TMEM132D: variants seen among roughly 807,000 people sequenced by gnomAD.
TMEM132D encodes transmembrane protein 132D, also known as mature OL transmembrane protein.
A neutral mutation model predicts 62.3 loss-of-function variants in TMEM132D; 21 were observed. That is an observed-to-expected ratio of 0.34 (90% CI 0.24 to 0.49). The LOEUF is 0.49. Among genes scored for constraint, TMEM132D ranks in the 20% least tolerant of loss-of-function variants. TMEM132D has a pLI of 0.99. For missense variants in TMEM132D, 1,346 were observed against 1,402.8 expected, an observed-to-expected ratio of 0.96 and a Z score of 0.65; for synonymous variants, 621 against 575.6, an observed-to-expected ratio of 1.08 and a Z score of -1.13.
At chr12:129,844,059 C>A (rs1033233436) in intron 1 of TMEM132D, among the ~76,000 whole-genome samples, 1 of 152,152 alleles carries the variant, frequency 6.6e-6, no homozygotes, top group Admixed American at 6.5e-5. Context: ...CATGATCATG[C>A]CACTGCACTC....
intron 4 of TMEM132D, among the ~76,000 whole-genome samples, chr12:129,285,526 CAA>C (rs1555244565): frequency 2.4e-5 from 1 of 40,932 alleles, no homozygotes. Flanking sequence ...GACTGTGTCT[CAA>C]AAAAAAAAAA....
chr12:129,662,504 C>T (rs183400872), intron 2 of TMEM132D, among the ~76,000 whole-genome samples: 23 of 152,180 alleles, frequency 1.5e-4, no homozygotes, highest in Admixed American at 6.6e-4. Context: ...GGTAGAAATA[C>T]GAGTTATTGG....
intron 5 of TMEM132D, among the ~76,000 whole-genome samples, chr12:129,189,447 G>T (rs568970591): frequency 1.3e-5 from 2 of 152,234 alleles, no homozygotes; most frequent in South Asian, 2.1e-4. Context: ...ACAACTTTGT[G>T]GGGGGTGAAG....
chr12:129,720,497 T>C (rs921443122), intron 1 of TMEM132D, among the ~76,000 whole-genome samples: 1 of 152,188 alleles, frequency 6.6e-6, no homozygotes, highest in Non-Finnish European at 1.5e-5. Context: ...TTCTTCTGAT[T>C]GAATTACTTT....
chr12:129,648,973 A>G (rs932710583), intron 2 of TMEM132D, among the ~76,000 whole-genome samples: 4 of 152,324 alleles, frequency 2.6e-5, no homozygotes, highest in Admixed American at 6.5e-5. Flanking sequence ...CAGAGTTCCA[A>G]CTGACTCCGG....
chr12:129,241,033 G>A (rs544950752), intron 4 of TMEM132D, among the ~76,000 whole-genome samples: 7 of 150,776 alleles, frequency 4.6e-5, no homozygotes, highest in Non-Finnish European at 1.0e-4. Flanking sequence ...TCCTGCCTGT[G>A]TTTGGGTGAT....
At chr12:129,535,772 G>T (rs77656802) in intron 2 of TMEM132D, among the ~76,000 whole-genome samples, 1 of 84,440 alleles carries the variant, frequency 1.2e-5, no homozygotes, top group African/African-American at 8.3e-5. Flanking sequence ...TTTAAGATTT[G>T]TGTGCGTGTG....
intron 3 of TMEM132D, among the ~76,000 whole-genome samples, chr12:129,481,702 A>G (rs1440637386): frequency 6.6e-6 from 1 of 152,246 alleles, no homozygotes; most frequent in Non-Finnish European, 1.5e-5. Flanking sequence ...GCTCTCTTAT[A>G]CATTACTGGT....
At chr12:129,465,385 A>G (rs1873851297) in intron 3 of TMEM132D, among the ~76,000 whole-genome samples, 1 of 152,176 alleles carries the variant, frequency 6.6e-6, no homozygotes, top group African/African-American at 2.4e-5. Context: ...GAAAACTGGC[A>G]CAAGACAGGG....
intron 5 of TMEM132D, among the ~76,000 whole-genome samples, chr12:129,157,487 A>G (rs1280799817): frequency 6.6e-6 from 1 of 152,268 alleles, no homozygotes; most frequent in Non-Finnish European, 1.5e-5. Context: ...TAAAACTGAC[A>G]TTACTATCTT....
intron 4 of TMEM132D, among the ~76,000 whole-genome samples, chr12:129,271,588 G>A (rs140259686): frequency 2.0e-5 from 3 of 151,612 alleles, no homozygotes; most frequent in East Asian, 3.9e-4. Flanking sequence ...AGGGCCCGGT[G>A]TATGATGTTC....
chr12:129,131,506 CT>C (rs1210816683), intron 5 of TMEM132D, among the ~76,000 whole-genome samples: 1 of 152,122 alleles, frequency 6.6e-6, no homozygotes, highest in Non-Finnish European at 1.5e-5. Context: ...ACATAGGAGG[CT>C]GAGGCAGGAG....
intron 2 of TMEM132D, among the ~76,000 whole-genome samples, chr12:129,554,789 G>A (rs368908835): frequency 1.3e-5 from 2 of 152,192 alleles, no homozygotes; most frequent in East Asian, 1.9e-4. Context: ...GGAGCACCAG[G>A]TGGGTCAGAC....
At position 129,768,045 on chromosome 12, in the gene TMEM132D, C is replaced by T. The variant is rs144128497; in HGVS notation, c.80-67347G>A. On this transcript the variant is annotated intron_variant, in intron 1 of 8. Coordinates refer to ENST00000422113, the MANE Select transcript of TMEM132D (RefSeq NM_133448.3). ...ATCATGAGAACAGCATGGGAAAGAC[C>T]CATCACCATGATTCAGTTACCTCCT... Among the ~76,000 whole-genome samples, 704 of 152,178 alleles carry T rather than the reference C, an allele frequency of 4.6e-3. 8 individuals carry two copies. Among genetic ancestry groups the T allele is most frequent in the African/African-American group, 0.016 (652 of 41,522 alleles).
At chr12:129,531,276 A>G (rs1297799328) in intron 2 of TMEM132D, 71 bp from the exon 3 acceptor site, 12 of 1,499,032 alleles carry the variant, frequency 8.0e-6, no homozygotes, top group Non-Finnish European at 9.8e-6. Context: ...TTCTGGGAAC[A>G]CGGGGAGCTT....
chr12:129,164,152 A>C (rs889707111), intron 5 of TMEM132D, among the ~76,000 whole-genome samples: 1 of 152,180 alleles, frequency 6.6e-6, no homozygotes, highest in Admixed American at 6.5e-5. Context: ...AAAAACCACA[A>C]CACAGCCTGG....
intron 4 of TMEM132D, among the ~76,000 whole-genome samples, chr12:129,295,967 T>C (rs1159232602): frequency 2.0e-5 from 3 of 151,992 alleles, no homozygotes; most frequent in Admixed American, 2.0e-4. Context: ...AACTCGAAAA[T>C]ACGAAGGGCC....
chr12:129,533,329 C>A (rs1876282733), intron 2 of TMEM132D, among the ~76,000 whole-genome samples: 1 of 152,174 alleles, frequency 6.6e-6, no homozygotes, highest in Admixed American at 6.5e-5. Flanking sequence ...AGGATTCCTG[C>A]CTTGCAGAAA....
rs1434147442 is a variant in TMEM132D at position 129,089,267 on chromosome 12, C to T, written c.1444-4565G>A. Among the ~76,000 whole-genome samples the T allele has an allele frequency of 7.1e-5, 3 of 42,480 alleles. 1 individual carries two copies. Among genetic ancestry groups the T allele is most frequent in the Non-Finnish European group, 1.2e-4 (3 of 25,954 alleles). The allele number at this position is 42,480 out of a possible 152,430, so 27.9% of individuals were successfully genotyped here. A position where few individuals can be genotyped will look rare whatever the true frequency, so the allele number is the denominator to read the frequency against. On this transcript the variant is annotated intron_variant, in intron 5 of 8. Transcript: ENST00000422113. ...TCCCTGACCGGGTGTCCTCCATGAC[C>T]GGGATGTCCTCCATGACCGGGTGTC...
Sources: gnomAD v4.1 joint callset for allele counts (sites outside exome capture counted in the v4.1 genomes callset) on GRCh38, gnomAD v4.1.1 for gene constraint, MANE v1.5 for transcripts, NCBI Gene and HGNC (gene_info 2026-07-23, HGNC 2026-07-21) for gene names.